Variants in HELZ observed in about 807,000 individuals in gnomAD.
HELZ encodes helicase with zinc finger, also known as ATP-dependent RNA helicase with zinc finger domain.
A neutral mutation model predicts 218.2 loss-of-function variants in HELZ; 23 were observed. The ratio of observed to expected loss-of-function variants is 0.11; its 90% CI spans 0.08 to 0.15. HELZ has a LOEUF of 0.15. Ranked by LOEUF, HELZ falls within the 10% of genes least tolerant of loss-of-function variation. The pLI is 1.00. For missense variants in HELZ, 1,813 were observed against 2,353.7 expected (o/e 0.77, Z 4.75); for synonymous variants, 814 against 829.4 (o/e 0.98, Z 0.32).
chr17:67,149,776 A>C (rs1460097091), intron 19 of HELZ, 91 bp downstream of exon 19: 1 of 686,484 alleles, frequency 1.5e-6, no homozygotes, highest in Non-Finnish European at 2.5e-6. Context: ...AATGCATGGC[A>C]TAATGTCATA....
At chr17:67,140,347 T>C (rs542937507) in intron 21 of HELZ, among the ~76,000 whole-genome samples, 1 of 152,112 alleles carries the variant, frequency 6.6e-6, no homozygotes, top group South Asian at 2.1e-4. Context: ...GCTCACAAAC[T>C]GGCAAAATTC....
At chr17:67,219,914 G>A (rs1269968854) in intron 3 of HELZ, among the ~76,000 whole-genome samples, 1 of 152,168 alleles carries the variant, frequency 6.6e-6, no homozygotes, top group African/African-American at 2.4e-5. Context: ...TGGCAGGGGT[G>A]GAAAACTTGG....
upstream of HELZ, chr17:67,245,480 G>T: frequency 3.0e-6 from 3 of 985,770 alleles, no homozygotes; most frequent in Non-Finnish European, 3.6e-6. Flanking sequence ...CCGCGTTCCT[G>T]CCCGGGCAGA....
At chr17:67,221,310 A>C (rs1010592571) in intron 3 of HELZ, among the ~76,000 whole-genome samples, 1 of 152,196 alleles carries the variant, frequency 6.6e-6, no homozygotes, top group Non-Finnish European at 1.5e-5. Context: ...TGTCTGGAGA[A>C]GGCAAAATCA....
chr17:67,166,562 T>C lies in HELZ; in HGVS notation c.1811A>G (p.His604Arg). 1.2e-6 allele frequency: 2 copies of C among 1,613,162 alleles called. No homozygotes were observed. The highest frequency in any genetic ancestry group is 1.7e-6 in the Non-Finnish European group (2 of 1,179,176). ...GTCCTTGATCCTGTCTAGTGCATAG[T>C]GCATTTCACAGAGGGGTAATCGATT... ...QLNRLPLCEM[H>R]YALDRIKDNG... The change falls in exon 15 of 33, where the codon CAC becomes CGC. Residue 604 changes from histidine (H) to arginine (R), a missense_variant. Physicochemically the swap from His to Arg is conservative, Grantham distance 29 (BLOSUM62 0). Transcript: ENST00000358691.
intron 7 of HELZ, among the ~76,000 whole-genome samples, chr17:67,199,274 G>A (rs955072697): frequency 6.8e-6 from 1 of 146,688 alleles, no homozygotes; most frequent in African/African-American, 2.5e-5. Context: ...ATACAGTGGT[G>A]CAATCTCAGC....
At chr17:67,082,970 C>A (rs1306694617) in intron 32 of HELZ, among the ~76,000 whole-genome samples, 1 of 151,196 alleles carries the variant, frequency 6.6e-6, no homozygotes. Context: ...GATTCTCCTG[C>A]CTCAGCCTCC....
chr17:67,204,453 T>C (rs962810131), intron 5 of HELZ, among the ~76,000 whole-genome samples: 1 of 152,198 alleles, frequency 6.6e-6, no homozygotes, highest in Non-Finnish European at 1.5e-5. Context: ...TGACAGTTTG[T>C]ATTCTTTTTT....
At chr17:67,191,004 A>T (rs2039880627) in intron 9 of HELZ, among the ~76,000 whole-genome samples, 1 of 152,144 alleles carries the variant, frequency 6.6e-6, no homozygotes. Context: ...CACCACGCCC[A>T]GCCAGAGTAG....
chr17:67,168,771 C>T (rs1276260191), intron 13 of HELZ, among the ~76,000 whole-genome samples: 1 of 152,110 alleles, frequency 6.6e-6, no homozygotes, highest in Non-Finnish European at 1.5e-5. Context: ...AAAGGCAGCA[C>T]AGAGAATCAA....
At chr17:67,146,602 C>T (rs1194267721) in intron 20 of HELZ, among the ~76,000 whole-genome samples, 2 of 152,128 alleles carry the variant, frequency 1.3e-5, no homozygotes, top group African/African-American at 2.4e-5. Context: ...GAACAATGTA[C>T]ACAACTGAAA....
rs1555595478 is a variant in HELZ at position 67,089,694 on chromosome 17, G to GAGAGACAGAGAGAC, written c.5242-2614_5242-2613insGTCTCTCTGTCTCT. Among the ~76,000 whole-genome samples the GAGAGACAGAGAGAC allele has an allele frequency of 1.7e-3, 167 of 100,682 alleles. 2 individuals are homozygous for GAGAGACAGAGAGAC. Among genetic ancestry groups the GAGAGACAGAGAGAC allele is most frequent in the East Asian group, 4.5e-3 (10 of 2,238 alleles). 66.1% of individuals were successfully genotyped at this position (100,682 alleles called of 152,430 possible). On this transcript the variant is annotated intron_variant, in intron 31 of 32. Coordinates refer to ENST00000358691, the MANE Select transcript of HELZ (RefSeq NM_014877.4). Reference sequence around the variant, plus strand: ...AGAGAGAGAGAGAGAGAGAGAGAGAGAGAGAGACAGAGAGACAGAGAGAGA... The same window carrying GAGAGACAGAGAGAC: ...AGAGAGAGAGAGAGAGAGAGAGAGAGAGAGACAGAGAGACAGAGAGACAGAGAGACAGAGAGAGA...
rs766167097 is a variant in HELZ at position 67,086,812 on chromosome 17, C to T, written c.5494+17G>A. ...CTGAGGAGTACAGATTAGTTTTAGC[C>T]ACCAACTCTGTCTTACCTATCAACT... On this transcript the variant is annotated intron_variant, in intron 32 of 32. Coordinates refer to ENST00000358691, the MANE Select transcript of HELZ (RefSeq NM_014877.4). The T allele has an allele frequency of 6.2e-7, 1 of 1,612,374 alleles. No homozygotes were observed. The highest frequency in any genetic ancestry group is 2.2e-5 in the East Asian group (1 of 44,820).
chr17:67,200,108 T>TAC (rs1032118914), intron 7 of HELZ, among the ~76,000 whole-genome samples: 2 of 152,228 alleles, frequency 1.3e-5, no homozygotes, highest in Non-Finnish European at 2.9e-5. Flanking sequence ...ACAAGCATAG[T>TAC]ACCTAGCACA....
upstream of HELZ, chr17:67,245,360 C>T (rs1006902092): frequency 4.2e-6 from 3 of 715,264 alleles, no homozygotes; most frequent in South Asian, 6.2e-5. Flanking sequence ...TCCCCTCCCC[C>T]GGGCTGACGG....
At chr17:67,103,558 G>T (rs904157143) in intron 31 of HELZ, among the ~76,000 whole-genome samples, 2 of 152,120 alleles carry the variant, frequency 1.3e-5, no homozygotes, top group Non-Finnish European at 2.9e-5. Flanking sequence ...ACTTATACTT[G>T]GAAAATTACA....
chr17:67,125,026 C>A (rs1419937867), intron 24 of HELZ, among the ~76,000 whole-genome samples: 2 of 106,776 alleles, frequency 1.9e-5, no homozygotes, highest in Non-Finnish European at 3.9e-5. Flanking sequence ...ATGTCTACAG[C>A]AGGAAAAAAA....
chr17:67,133,970 CTAAACGAAATATACTTACAATG>C (rs1244425236), intron 23 of HELZ, among the ~76,000 whole-genome samples: 5 of 152,248 alleles, frequency 3.3e-5, no homozygotes, highest in African/African-American at 1.2e-4. Flanking sequence ...AAGCAACATT[CTAAACGAAATATACTTACAATG>C]ACTAGTAAAG....
intron 31 of HELZ, among the ~76,000 whole-genome samples, chr17:67,096,149 C>T (rs2036739487): frequency 2.0e-5 from 3 of 150,140 alleles, no homozygotes; most frequent in Admixed American, 6.6e-5. Context: ...CCCCCTCCCC[C>T]GCCCACCAGC....
Sources: allele counts gnomAD v4.1 joint callset (sites outside exome capture counted in the v4.1 genomes callset), GRCh38; gene constraint gnomAD v4.1.1; transcripts MANE v1.5; gene names NCBI Gene and HGNC (gene_info 2026-07-23, HGNC 2026-07-21).